MSTN: variants seen among roughly 807,000 people sequenced by gnomAD.
MSTN encodes the protein growth/differentiation factor 8.
A neutral mutation model predicts 32.3 loss-of-function variants in MSTN; 12 were observed. The ratio of observed to expected loss-of-function variants is 0.37; its 90% CI spans 0.24 to 0.60. The LOEUF (loss-of-function observed/expected upper bound fraction) is 0.60, where lower values mean the gene tolerates loss of function less well. MSTN is among the 20% of genes least tolerant of loss of function. The pLI, the probability that MSTN is intolerant of heterozygous loss-of-function variation, is 0.67. For missense variants in MSTN, 403 were observed against 450.3 expected, an observed-to-expected ratio of 0.89 and a Z score of 0.95; for synonymous variants, 168 against 155.1, an observed-to-expected ratio of 1.08 and a Z score of -0.62.
intron 1 of MSTN, 86 bp downstream of exon 1, chr2:190,062,138 A>G: frequency 6.7e-7 from 1 of 1,484,652 alleles, no homozygotes; most frequent in Non-Finnish European, 9.3e-7. Flanking sequence ...AGCTTGTTTA[A>G]AAGAGCCTGA....
At position 190,056,935 on chromosome 2, in the gene MSTN, A is replaced by T. The variant is rs967909119; in HGVS notation, c.*323T>A. ...TTTAAAGAAATAGACTTTAAAGCAT[A>T]CTCCTTTAATTCATCAGAACTCAAG... is the stretch of plus-strand genomic sequence containing the variant. On this transcript the variant is annotated 3_prime_UTR_variant, in exon 3 of 3. Transcript: ENST00000260950. 3 of 285,112 alleles carry T rather than the reference A, an allele frequency of 1.1e-5. No individual in the cohort carries two copies. The highest frequency in any genetic ancestry group is 2.0e-5 in the Non-Finnish European group (3 of 150,172). 17.7% of individuals were successfully genotyped at this position (285,112 alleles called of 1,614,324 possible). A position where few individuals can be genotyped will look rare whatever the true frequency, so the allele number is the denominator to read the frequency against.
chr2:190,057,022 C>T lies in MSTN; in HGVS notation c.*236G>A, dbSNP rs1332740479. ...TATAGGAACATAAATGTAATTTGAT[C>T]TCCTTCTAGCTCAAAAACTCTGGAA... is the stretch of plus-strand genomic sequence containing the variant. On this transcript the variant is annotated 3_prime_UTR_variant, in exon 3 of 3. Transcript: ENST00000260950. The T allele has an allele frequency of 2.0e-6, 1 of 497,736 alleles. No homozygotes were observed. Among genetic ancestry groups the T allele is most frequent in the Non-Finnish European group, 3.6e-6 (1 of 280,250 alleles). 30.8% of individuals were successfully genotyped at this position (497,736 alleles called of 1,614,324 possible).
chr2:190,059,802 A>G (rs1349881860), intron 2 of MSTN, among the ~76,000 whole-genome samples: 4 of 151,908 alleles, frequency 2.6e-5, no homozygotes, highest in African/African-American at 9.7e-5. Flanking sequence ...TTCCCAATTC[A>G]AAAGGACTTC....
In MSTN at chr2:190,060,088, A is replaced by G. The variant is rs776358005; in HGVS notation, c.721T>C (p.Phe241Leu). ...AGCCCATCTTCTCCTGGTCCTGGGA[A>G]GGTTACAGCAAGATCATGACCATTC... ...DENGHDLAVT[F>L]PGPGEDGLNP... The change falls in exon 2 of 3, where the codon TTC (phenylalanine) becomes CTC (leucine). Residue 241 changes from phenylalanine (F) to leucine (L), a missense_variant. Phe to Leu is a conservative substitution (Grantham distance 22). Coordinates refer to ENST00000260950, the MANE Select transcript of MSTN (RefSeq NM_005259.3). The G allele has an allele frequency of 8.1e-6, 13 of 1,612,436 alleles. 1 individual carries two copies. Among genetic ancestry groups the G allele is most frequent in the Non-Finnish European group, 1.0e-5 (12 of 1,178,894 alleles).
Position 190,062,361 on chromosome 2 carries a change from T to C in MSTN, c.236A>G (p.Gln79Arg). 6.2e-7 allele frequency: 1 copy of C among 1,613,480 alleles called. No homozygotes were observed. Among genetic ancestry groups the C allele is most frequent in the South Asian group, 1.1e-5 (1 of 91,072 alleles). ...GAGTGGAGGAGCTTTGGGTAAAAGTTGTCTTATAACATCTTTGCTGATGTT... is the reference window on the plus strand; with the variant it reads ...GAGTGGAGGAGCTTTGGGTAAAAGTCGTCTTATAACATCTTTGCTGATGTT... ...APNISKDVIR[Q>R]LLPKAPPLRE... is the part of the protein sequence containing the mutation. The change falls in exon 1 of 3, where the codon CAA becomes CGA. Residue 79 changes from glutamine to arginine, a missense_variant. Gln to Arg is a conservative substitution (Grantham distance 43, BLOSUM62 1). Transcript: ENST00000260950.
At chr2:190,059,835 A>G (rs1161261451) in intron 2 of MSTN, among the ~76,000 whole-genome samples, 1 of 151,926 alleles carries the variant, frequency 6.6e-6, no homozygotes, top group African/African-American at 2.4e-5. Flanking sequence ...GAAGTATGGT[A>G]TAATTGTTTT....
Position 190,062,390 on chromosome 2 carries a change from A to G in MSTN, c.207T>C (p.Ala69=). The G allele has an allele frequency of 6.2e-7, 1 of 1,613,438 alleles. No individual in the cohort carries two copies. The highest frequency in any genetic ancestry group is 8.5e-7 in the Non-Finnish European group (1 of 1,179,592). ...QILSKLRLET[A]PNISKDVIRQ... is the part of the protein sequence containing the mutation. ...TTATAACATCTTTGCTGATGTTAGG[A>G]GCTGTTTCCAGACGAAGTTTACTGA... The change falls in exon 1 of 3, where the codon GCT becomes GCC. Residue 69 remains alanine (A), a synonymous_variant. Coordinates refer to ENST00000260950, the MANE Select transcript of MSTN (RefSeq NM_005259.3).
chr2:190,060,946 C>A (rs74753717), intron 1 of MSTN, among the ~76,000 whole-genome samples: 1 of 152,116 alleles, frequency 6.6e-6, no homozygotes, highest in South Asian at 2.1e-4. Flanking sequence ...ACATCTGTTA[C>A]ATTTTGGCTT....
rs908399248 is a variant in MSTN at position 190,055,785 on chromosome 2, T to C, written c.*1473A>G. The C allele has an allele frequency of 2.6e-5, 4 of 152,176 alleles. No homozygotes were observed. Among genetic ancestry groups the C allele is most frequent in the Non-Finnish European group, 2.9e-5 (2 of 68,016 alleles). 9.4% of individuals were successfully genotyped at this position (152,176 alleles called of 1,614,324 possible). A position where few individuals can be genotyped will look rare whatever the true frequency, so the allele number is the denominator to read the frequency against. On this transcript the variant is annotated 3_prime_UTR_variant, in exon 3 of 3. Coordinates refer to ENST00000260950, the MANE Select transcript of MSTN (RefSeq NM_005259.3). The stretch of plus-strand genomic sequence containing the variant: ...TGTAAGAAATAATTTCATTTAGTCA[T>C]AGTACAATAAATTTGATTAACAAAA...
At position 190,057,354 on chromosome 2, in the gene MSTN, C is replaced by A; in HGVS notation, c.1032G>T (p.Lys344Asn). ...AATATAGCATATTAATTGGAGACAT[C>A]TTTGTGGGAGTACAGCAAGGGCCTG... The part of the protein sequence containing the change: ...GSAGPCCTPT[K>N]MSPINMLYFN... Residue 344 changes from lysine (K) to asparagine (N), a missense_variant, in exon 3 of 3, where the codon AAG becomes AAT. Coordinates refer to ENST00000260950, the MANE Select transcript of MSTN (RefSeq NM_005259.3). The A allele has an allele frequency of 6.2e-7, 1 of 1,613,562 alleles. No homozygotes were observed. The highest frequency in any genetic ancestry group is 8.5e-7 in the Non-Finnish European group (1 of 1,179,632).
Position 190,057,006 on chromosome 2 carries a change from A to G in MSTN, c.*252T>C. The stretch of plus-strand genomic sequence containing the variant: ...CGCCGATGTTGTAATATATAGGAAC[A>G]TAAATGTAATTTGATCTCCTTCTAG... On this transcript the variant is annotated 3_prime_UTR_variant, in exon 3 of 3. Transcript: ENST00000260950. 1 of 471,370 alleles carries G rather than the reference A, an allele frequency of 2.1e-6. No individual in the cohort carries two copies. The allele number at this position is 471,370 out of a possible 1,614,324, so 29.2% of individuals were successfully genotyped here.
chr2:190,058,455 A>G (rs1685498820), intron 2 of MSTN, among the ~76,000 whole-genome samples: 1 of 152,042 alleles, frequency 6.6e-6, no homozygotes, highest in Non-Finnish European at 1.5e-5. Flanking sequence ...ACTGTCAAAA[A>G]TAATAATATC....
At position 190,062,477 on chromosome 2, in the gene MSTN, A is replaced by G. The variant is rs562815480; in HGVS notation, c.120T>C (p.Asn40=). Residue 40 remains asparagine (N), a synonymous_variant, in exon 1 of 3, where the codon AAT becomes AAC. Transcript: ENST00000260950. The part of the protein sequence containing the change: ...KENVEKEGLC[N]ACTWRQNTKS... ...TAGTGTTTTGTCTCCAAGTACATGC[A>G]TTACACAGCCCCTCTTTTTCCACAT... 2.5e-6 allele frequency: 4 copies of G among 1,613,622 alleles called. No homozygotes were observed. Among genetic ancestry groups the G allele is most frequent in the South Asian group, 2.2e-5 (2 of 91,068 alleles).
Position 190,057,266 on chromosome 2 carries a change from A to G in MSTN, c.1120T>C (p.Cys374Arg). Residue 374 changes from cysteine to arginine, a missense_variant, in exon 3 of 3, where the codon TGC becomes CGC. Transcript: ENST00000260950. Reference protein sequence around the residue: ...IPAMVVDRCGCS With the variant: ...IPAMVVDRCGRS Reference sequence around the variant, plus strand: ...AACGCTTAATATAAATCTCATGAGCACCCACAGCGGTCTACTACCATCGCT... The same window carrying G: ...AACGCTTAATATAAATCTCATGAGCGCCCACAGCGGTCTACTACCATCGCT... 1 of 1,613,190 alleles carries G rather than the reference A, an allele frequency of 6.2e-7. No individual in the cohort carries two copies. Among genetic ancestry groups the G allele is most frequent in the Non-Finnish European group, 8.5e-7 (1 of 1,179,388 alleles).
chr2:190,061,911 TA>T (rs1386833150), intron 1 of MSTN, among the ~76,000 whole-genome samples: 8 of 152,030 alleles, frequency 5.3e-5, no homozygotes, highest in Non-Finnish European at 1.0e-4. Flanking sequence ...CTGCTTGTAG[TA>T]TCTCCCAGTC....
Position 190,062,251 on chromosome 2 carries a change from C to T in MSTN, c.346G>A (p.Glu116Lys). 2 of 1,613,036 alleles carry T rather than the reference C, an allele frequency of 1.2e-6. No homozygotes were observed. Among genetic ancestry groups the T allele is most frequent in the Non-Finnish European group, 1.7e-6 (2 of 1,179,242 alleles). ...LEDDDYHATT[E>K]TIITMPTESD... is the part of the protein sequence containing the mutation. Reference sequence around the variant, plus strand: ...TCTGTAGGCATGGTAATGATTGTTTCCGTTGTAGCGTGATAATCGTCATCT... The same window carrying T: ...TCTGTAGGCATGGTAATGATTGTTTTCGTTGTAGCGTGATAATCGTCATCT... The change falls in exon 1 of 3, where the codon GAA becomes AAA. Residue 116 changes from glutamate to lysine, a missense_variant. Coordinates refer to ENST00000260950, the MANE Select transcript of MSTN (RefSeq NM_005259.3).
intron 2 of MSTN, among the ~76,000 whole-genome samples, chr2:190,059,005 A>AAT (rs752700997): frequency 1.3e-5 from 2 of 151,562 alleles, no homozygotes; most frequent in African/African-American, 4.8e-5. Context: ...TGTGTGTATA[A>AAT]ATATATATAT....
At chr2:190,059,313 G>A (rs1420347264) in intron 2 of MSTN, among the ~76,000 whole-genome samples, 5 of 151,902 alleles carry the variant, frequency 3.3e-5, no homozygotes, top group African/African-American at 1.2e-4. Flanking sequence ...ATTAATTTTT[G>A]TGATATATAA....
intron 2 of MSTN, among the ~76,000 whole-genome samples, chr2:190,059,784 A>G (rs144000994): frequency 1.3e-5 from 2 of 152,044 alleles, no homozygotes; most frequent in Non-Finnish European, 2.9e-5. Context: ...AAAGCACTTT[A>G]TATTTCATTC....
Sources: allele counts gnomAD v4.1 joint callset (sites outside exome capture counted in the v4.1 genomes callset), GRCh38; gene constraint gnomAD v4.1.1; transcripts MANE v1.5; gene names NCBI Gene and HGNC (gene_info 2026-07-23, HGNC 2026-07-21).